TTC3: variants seen among roughly 807,000 people sequenced by gnomAD.
The protein encoded by TTC3 is tetratricopeptide repeat domain 3.
TTC3 carries 180 observed loss-of-function variants against 249.6 expected under a neutral mutation model. The observed-to-expected ratio is 0.72, with a 90% CI of 0.64 to 0.82. The LOEUF is 0.82. TTC3 is among the 40% of genes least tolerant of loss of function. The pLI is 0.00. For synonymous variants in TTC3, 717 were observed against 805.0 expected, an observed-to-expected ratio of 0.89 and a Z score of 1.85; for missense variants, 2,061 against 2,398.4, an observed-to-expected ratio of 0.86 and a Z score of 2.94.
Position 37,166,173 on chromosome 21 carries a change from A to T in TTC3, c.3959A>T (p.Tyr1320Phe). ...CATTTGGTCACAGGATACTGTACGT[A>T]TCTTCCTTTCCAGAGATTTGATATC... The change falls in exon 33 of 46, where the codon TAT becomes TTT. Residue 1320 changes from tyrosine (Y) to phenylalanine (F), a missense_variant. By Grantham distance (22) the Tyr-to-Phe change is conservative (BLOSUM62 3). Transcript: ENST00000355666. The T allele has an allele frequency of 3.7e-6, 6 of 1,614,174 alleles. No individual in the cohort carries two copies. The South Asian group carries it at 6.6e-5, about 18-fold the overall frequency.
intron 11 of TTC3, among the ~76,000 whole-genome samples, chr21:37,113,376 G>A (rs1028948966): frequency 1.3e-5 from 2 of 152,158 alleles, no homozygotes; most frequent in African/African-American, 4.8e-5. Context: ...AAAATCACAA[G>A]CATTCTTACA....
At chr21:37,080,367 CA>C (rs1422558241) in intron 1 of TTC3, among the ~76,000 whole-genome samples, 1 of 105,242 alleles carries the variant, frequency 9.5e-6, no homozygotes, top group African/African-American at 3.4e-5. Flanking sequence ...ATCTTTTTAG[CA>C]TTTTTTTTTT....
intron 31 of TTC3, 92 bp from the exon 32 acceptor site, chr21:37,163,959 G>T: frequency 7.1e-7 from 1 of 1,407,974 alleles, no homozygotes; most frequent in Admixed American, 2.3e-5. Context: ...TGCCATTATT[G>T]TGTTTATTTC....
chr21:37,137,087 A>G (rs1026537915), intron 18 of TTC3, among the ~76,000 whole-genome samples: 10 of 152,204 alleles, frequency 6.6e-5, no homozygotes, highest in African/African-American at 2.4e-4. Flanking sequence ...TTTGCAAAAT[A>G]CTATTGCTCA....
intron 39 of TTC3, among the ~76,000 whole-genome samples, chr21:37,190,130 C>CTTTTTTTTTTTTTTTTTT (rs138862573): frequency 1.5e-5 from 1 of 65,024 alleles, no homozygotes; most frequent in African/African-American, 5.7e-5. Flanking sequence ...CTTTTTCTTT[C>CTTTTTTTTTTTTTTTTTT]TTTTTTTTTT....
At chr21:37,089,984 C>A (rs200997023) in intron 5 of TTC3, among the ~76,000 whole-genome samples, 27 of 141,812 alleles carry the variant, frequency 1.9e-4, no homozygotes, top group Non-Finnish European at 2.1e-4. Flanking sequence ...GACCCTGTCT[C>A]AAAAAAAAAA....
chr21:37,182,672 T>C (rs1454439730), intron 35 of TTC3, 102 bp from the exon 36 acceptor site: 1 of 1,211,022 alleles, frequency 8.3e-7, no homozygotes, highest in Non-Finnish European at 1.1e-6. Flanking sequence ...TGAACTTAGG[T>C]CATTGTTTAA....
At chr21:37,110,893 C>T (rs530084268) in intron 11 of TTC3, among the ~76,000 whole-genome samples, 3 of 152,176 alleles carry the variant, frequency 2.0e-5, no homozygotes, top group Admixed American at 1.3e-4. Flanking sequence ...AGAGTGGGGG[C>T]GAATATTCAA....
chr21:37,187,022 G>GTT (rs146377031), intron 37 of TTC3, 27 bp from the exon 38 acceptor site: 38 of 1,357,706 alleles, frequency 2.8e-5, no homozygotes, highest in East Asian at 1.1e-4. Context: ...GTTCAAGAAA[G>GTT]TTTTTTTTTT....
rs1451408033 is a variant in TTC3, at chr21:37,152,390, T to TG, written c.2413+361_2413+362insG. 1.4e-3 allele frequency among the ~76,000 whole-genome samples: 216 copies of TG among 150,514 alleles called. 2 individuals are homozygous for TG. The highest frequency in any genetic ancestry group is 4.6e-3 in the African/African-American group (188 of 41,026). Reference sequence around the variant, plus strand: ...AGGGGAACTAAGTTGTTTTTTTTTTTTGTTTTTTTTTTTTGAGACGGAGTC... The same window carrying TG: ...AGGGGAACTAAGTTGTTTTTTTTTTTGTGTTTTTTTTTTTTGAGACGGAGTC... On this transcript the variant is annotated intron_variant, in intron 26 of 45. Coordinates refer to ENST00000355666, the Ensembl canonical transcript of TTC3.
intron 41 of TTC3, chr21:37,195,039 A>G (rs1043094836): frequency 3.9e-5 from 6 of 152,416 alleles, no homozygotes; most frequent in African/African-American, 7.2e-5. Flanking sequence ...GCTTCCGTCC[A>G]GGAGTACTAG....
At chr21:37,122,050 A>T in intron 12 of TTC3, 71 bp downstream of exon 12, 1 of 1,404,678 alleles carries the variant, frequency 7.1e-7, no homozygotes, top group Non-Finnish European at 9.6e-7. Context: ...GGTTTCTTGG[A>T]TTAACAGAGG....
intron 11 of TTC3, among the ~76,000 whole-genome samples, chr21:37,110,756 G>C (rs1357971908): frequency 2.0e-5 from 3 of 152,150 alleles, no homozygotes; most frequent in Non-Finnish European, 4.4e-5. Flanking sequence ...ATAATTGTCA[G>C]ATTCACCAAA....
chr21:37,105,177 G>A lies in TTC3; in HGVS notation c.846-3215G>A, dbSNP rs139866742. ...TGGACATCATTCACTAACCTTAGGGGGAGCTGTCAGTGGGAAGCTTGAAAC... is the reference window on the plus strand; with the variant it reads ...TGGACATCATTCACTAACCTTAGGGAGAGCTGTCAGTGGGAAGCTTGAAAC... On this transcript the variant is annotated intron_variant, in intron 10 of 45. Coordinates refer to ENST00000355666, the Ensembl canonical transcript of TTC3. Among the ~76,000 whole-genome samples the A allele has an allele frequency of 1.5e-3, 223 of 152,308 alleles. 2 individuals are homozygous for A. Among genetic ancestry groups the A allele is most frequent in the African/African-American group, 4.9e-3 (204 of 41,566 alleles).
intron 37 of TTC3, among the ~76,000 whole-genome samples, chr21:37,186,435 T>A (rs1470456328): frequency 6.6e-6 from 1 of 152,226 alleles, no homozygotes; most frequent in Non-Finnish European, 1.5e-5. Flanking sequence ...GCTTACTTTT[T>A]AAAATTTTTA....
At chr21:37,120,862 A>G (rs900482006) in intron 11 of TTC3, among the ~76,000 whole-genome samples, 3 of 152,178 alleles carry the variant, frequency 2.0e-5, no homozygotes, top group Non-Finnish European at 4.4e-5. Context: ...ACTGAATCAC[A>G]GTGTTCTTTG....
intron 1 of TTC3, among the ~76,000 whole-genome samples, chr21:37,075,870 A>C (rs941047411): frequency 1.3e-5 from 2 of 152,216 alleles, no homozygotes; most frequent in African/African-American, 2.4e-5. Context: ...TGATTTAATT[A>C]AAAGTATTTT....
chr21:37,156,593 A>C, intron 27 of TTC3, 62 bp from the exon 28 acceptor site: 1 of 1,544,102 alleles, frequency 6.5e-7, no homozygotes, highest in Non-Finnish European at 8.7e-7. Flanking sequence ...TGTGAAACTA[A>C]ATGTGATTTT....
At chr21:37,082,721 T>A (rs2071869292) in intron 1 of TTC3, 1 of 985,304 alleles carries the variant, frequency 1.0e-6, no homozygotes. Flanking sequence ...AGTGTTTTTT[T>A]TTTTAATCTA....
Sources: gnomAD v4.1 joint callset for allele counts (sites outside exome capture counted in the v4.1 genomes callset) on GRCh38, gnomAD v4.1.1 for gene constraint, MANE v1.5 for transcripts, NCBI Gene and HGNC (gene_info 2026-07-23, HGNC 2026-07-21) for gene names.